Variants in APBB2 observed in about 807,000 individuals in gnomAD.
APBB2 encodes the protein Fe65-like 1.
APBB2 carries 38 observed loss-of-function variants against 82.5 expected under a neutral mutation model. The observed-to-expected ratio is 0.46, with a 90% CI of 0.36 to 0.60. APBB2 has a LOEUF of 0.60. Ranked by LOEUF, APBB2 falls within the 20% of genes least tolerant of loss-of-function variation. APBB2 has a pLI of 0.00. For synonymous variants in APBB2, 341 were observed against 368.2 expected, an observed-to-expected ratio of 0.93 and a Z score of 0.85; for missense variants, 772 against 972.3, an observed-to-expected ratio of 0.79 and a Z score of 2.74.
rs899065196 is a variant in APBB2, at chr4:41,053,000, A to G, written c.-51+12576T>C. 2.6e-5 allele frequency among the ~76,000 whole-genome samples: 4 copies of G among 151,870 alleles called. No homozygotes were observed. The East Asian group carries it at 7.7e-4, about 29-fold the overall frequency. On this transcript the variant is annotated intron_variant, in intron 4 of 17. Coordinates refer to ENST00000508593, the MANE Select transcript of APBB2 (RefSeq NM_004307.2). ...GGCTGGTCTCAAACTCCTGACCTCA[A>G]CTGATCCACCCGCCTTGGCCTTCCA...
At position 40,890,465 on chromosome 4, in the gene APBB2, C is replaced by A; in HGVS notation, c.1428G>T (p.Glu476Asp). Residue 476 changes from glutamate to aspartate, a missense_variant, in exon 12 of 18, where the codon GAG (glutamate) becomes GAT (aspartate). Transcript: ENST00000508593. ...GEGKDMYLIL[E>D]NDMLSLVDPM... ...GGTCCACCAGGCTGAGCATGTCATT[C>A]TCCAGGATCAGGTACATGTCTTTCC... The A allele has an allele frequency of 1.2e-6, 2 of 1,614,106 alleles. No homozygotes were observed. The highest frequency in any genetic ancestry group is 1.1e-5 in the South Asian group (1 of 91,076).
intron 12 of APBB2, among the ~76,000 whole-genome samples, chr4:40,868,245 T>C (rs1185262172): frequency 6.6e-6 from 1 of 152,214 alleles, no homozygotes; most frequent in Non-Finnish European, 1.5e-5. Flanking sequence ...CCAGACCTAC[T>C]GAATTAATCA....
chr4:40,952,859 G>A (rs779885408), intron 6 of APBB2, among the ~76,000 whole-genome samples: 4 of 152,174 alleles, frequency 2.6e-5, no homozygotes, highest in South Asian at 2.1e-4. Flanking sequence ...TGTATCACGC[G>A]CCCTGTGTCC....
chr4:41,091,737 A>G (rs1197969458), intron 3 of APBB2, among the ~76,000 whole-genome samples: 1 of 152,174 alleles, frequency 6.6e-6, no homozygotes, highest in Non-Finnish European at 1.5e-5. Flanking sequence ...TATATTAAGT[A>G]CTTTTTTCTT....
chr4:41,089,744 T>TA (rs1741060614), intron 3 of APBB2, among the ~76,000 whole-genome samples: 1 of 152,166 alleles, frequency 6.6e-6, no homozygotes, highest in Non-Finnish European at 1.5e-5. Flanking sequence ...TATCAGTCCC[T>TA]CTACTCTGTA....
intron 10 of APBB2, among the ~76,000 whole-genome samples, chr4:40,904,000 C>T (rs957307591): frequency 2.0e-5 from 3 of 152,120 alleles, no homozygotes; most frequent in African/African-American, 2.4e-5. Flanking sequence ...CATTTGATAG[C>T]GCATGTTTTG....
chr4:41,160,036 A>AGG (rs1764719143), intron 1 of APBB2, among the ~76,000 whole-genome samples: 1 of 146,520 alleles, frequency 6.8e-6, no homozygotes, highest in African/African-American at 2.7e-5. Flanking sequence ...GAAGAAGAAG[A>AGG]AAACATCACA....
rs10031527 is a variant in APBB2, at chr4:41,059,056, C to T, written c.-51+6520G>A. Among the ~76,000 whole-genome samples, 1,124 of 151,978 alleles carry T rather than the reference C, an allele frequency of 7.4e-3. 13 individuals are homozygous for T. Among genetic ancestry groups the T allele is most frequent in the African/African-American group, 0.025 (1,051 of 41,446 alleles). On this transcript the variant is annotated intron_variant, in intron 4 of 17. Transcript: ENST00000508593. ...TGAGATCCTGATGAACCCTGGAGAA[C>T]AAAGGGTCATATCTCACCAACAAGA... is the stretch of plus-strand genomic sequence containing the variant.
At chr4:41,119,706 CCAG>C (rs1752228880) in intron 2 of APBB2, among the ~76,000 whole-genome samples, 1 of 152,004 alleles carries the variant, frequency 6.6e-6, no homozygotes, top group Non-Finnish European at 1.5e-5. Flanking sequence ...CATACCCTGT[CCAG>C]AGACTCCTCT....
At chr4:41,059,905 G>T (rs1221572080) in intron 4 of APBB2, among the ~76,000 whole-genome samples, 3 of 151,872 alleles carry the variant, frequency 2.0e-5, no homozygotes, top group Non-Finnish European at 4.4e-5. Flanking sequence ...TCTCCGCACC[G>T]GGAGGCAGAG....
At chr4:40,910,872 C>T (rs568361808) in intron 10 of APBB2, among the ~76,000 whole-genome samples, 1 of 152,256 alleles carries the variant, frequency 6.6e-6, no homozygotes. Flanking sequence ...CCTTTGCAGG[C>T]ACTGCTGTGG....
intron 6 of APBB2, among the ~76,000 whole-genome samples, chr4:40,945,505 C>T (rs1788125153): frequency 6.6e-6 from 1 of 152,194 alleles, no homozygotes; most frequent in Non-Finnish European, 1.5e-5. Flanking sequence ...TCCTAAAATG[C>T]TTTCTGTAAA....
intron 10 of APBB2, among the ~76,000 whole-genome samples, chr4:40,913,451 C>T (rs1383016469): frequency 2.0e-5 from 3 of 152,206 alleles, no homozygotes; most frequent in Non-Finnish European, 4.4e-5. Context: ...AATAATGCCA[C>T]TGAGCCTTGA....
At chr4:40,995,721 G>C (rs1010990696) in intron 6 of APBB2, among the ~76,000 whole-genome samples, 1 of 152,046 alleles carries the variant, frequency 6.6e-6, no homozygotes, top group Admixed American at 6.6e-5. Flanking sequence ...ATTTTACAGA[G>C]ACAGGGTCTT....
chr4:40,895,182 GA>G (rs943705899), intron 10 of APBB2, among the ~76,000 whole-genome samples: 9 of 149,062 alleles, frequency 6.0e-5, no homozygotes, highest in Admixed American at 1.3e-4. Flanking sequence ...TGTCAAAGGG[GA>G]AAAAAAAAAC....
intron 6 of APBB2, among the ~76,000 whole-genome samples, chr4:40,987,506 A>G (rs1800702859): frequency 6.6e-6 from 1 of 152,126 alleles, no homozygotes; most frequent in Admixed American, 6.6e-5. Context: ...TCTATTTCAT[A>G]TTTCATTTTT....
intron 2 of APBB2, among the ~76,000 whole-genome samples, chr4:41,133,311 C>A (rs1018448322): frequency 1.3e-5 from 2 of 152,106 alleles, no homozygotes; most frequent in African/African-American, 4.8e-5. Context: ...AATACATCAC[C>A]AAATTGCTTT....
intron 6 of APBB2, among the ~76,000 whole-genome samples, chr4:40,973,769 T>A (rs914439559): frequency 6.6e-6 from 1 of 152,158 alleles, no homozygotes; most frequent in Admixed American, 6.5e-5. Context: ...AACTGCAATC[T>A]CTGCCTGTCT....
chr4:41,210,616 G>T (rs1779087345), intron 1 of APBB2, among the ~76,000 whole-genome samples: 1 of 152,206 alleles, frequency 6.6e-6, no homozygotes, highest in South Asian at 2.1e-4. Context: ...AATTTCATTT[G>T]TTGGTAGTGC....
Sources: allele counts gnomAD v4.1 joint callset (sites outside exome capture counted in the v4.1 genomes callset), GRCh38; gene constraint gnomAD v4.1.1; transcripts MANE v1.5; gene names NCBI Gene and HGNC (gene_info 2026-07-23, HGNC 2026-07-21).